SENP6: variants seen among roughly 807,000 people sequenced by gnomAD.
The protein encoded by SENP6 is sentrin-specific protease 6.
SENP6 carries 41 observed loss-of-function variants against 134.5 expected under a neutral mutation model. The ratio of observed to expected loss-of-function variants is 0.30; its 90% CI spans 0.24 to 0.40. The LOEUF is 0.40. Ranked by LOEUF, SENP6 falls within the 10% of genes least tolerant of loss-of-function variation. The pLI is 1.00. For missense variants in SENP6, 1,248 were observed against 1,312.5 expected (o/e 0.95, Z 0.76); for synonymous variants, 395 against 429.8 (o/e 0.92, Z 1.00).
chr6:75,610,771 G>C (rs1767381187), intron 1 of SENP6, among the ~76,000 whole-genome samples: 1 of 152,122 alleles, frequency 6.6e-6, no homozygotes, highest in Non-Finnish European at 1.5e-5. Context: ...GCTATGTTCT[G>C]ATCTTGCCTT....
rs1562040838 is a variant in SENP6 at position 75,678,670 on chromosome 6, A to G, written c.1936A>G (p.Ile646Val). The change falls in exon 15 of 24, where the codon ATC becomes GTC. Residue 646 changes from isoleucine to valine, a missense_variant. Coordinates refer to ENST00000447266, the MANE Select transcript of SENP6 (RefSeq NM_015571.4). The part of the protein sequence containing the change: ...EEEETGENHT[I>V]FIGPVEKLIV... ...AGAAGAAACTGGAGAAAACCACACC[A>G]TCTTCATTGGCCCAGTAGAAAAGTG... 1.9e-6 allele frequency: 3 copies of G among 1,595,830 alleles called. No homozygotes were observed. In the East Asian group the frequency reaches 6.7e-5, roughly 36 times the overall value.
intron 3 of SENP6, among the ~76,000 whole-genome samples, chr6:75,624,348 A>C (rs1291995169): frequency 2.6e-5 from 4 of 152,162 alleles, no homozygotes; most frequent in Non-Finnish European, 5.9e-5. Flanking sequence ...AGAGTTGTCA[A>C]CTTTTTAATT....
At chr6:75,683,665 G>C (rs574598839) in intron 16 of SENP6, among the ~76,000 whole-genome samples, 4 of 148,744 alleles carry the variant, frequency 2.7e-5, no homozygotes, top group Non-Finnish European at 6.0e-5. Context: ...TCCTTTCCCC[G>C]TTTCTTGTTT....
chr6:75,629,274 C>T (rs1290717610), intron 3 of SENP6, among the ~76,000 whole-genome samples: 1 of 151,992 alleles, frequency 6.6e-6, no homozygotes, highest in African/African-American at 2.4e-5. Flanking sequence ...TTTCTATATG[C>T]TTTTGCCAAT....
intron 3 of SENP6, 52 bp from the exon 4 acceptor site, chr6:75,633,528 AG>A (rs2149837728): frequency 6.2e-6 from 9 of 1,443,652 alleles, no homozygotes; most frequent in Admixed American, 2.2e-5. Flanking sequence ...AGTTGTTGAT[AG>A]ATTGTCACAT....
chr6:75,710,912 T>C (rs1169655824), intron 20 of SENP6, among the ~76,000 whole-genome samples: 1 of 152,208 alleles, frequency 6.6e-6, no homozygotes, highest in African/African-American at 2.4e-5. Flanking sequence ...ATATTTCTGA[T>C]GTGAAAACAT....
intron 1 of SENP6, among the ~76,000 whole-genome samples, chr6:75,619,190 C>G (rs2149826980): frequency 6.6e-6 from 1 of 152,108 alleles, no homozygotes; most frequent in East Asian, 1.9e-4. Flanking sequence ...TTTAAATCAT[C>G]ATAAACAAGA....
At chr6:75,675,277 C>A (rs1772999799) in intron 11 of SENP6, among the ~76,000 whole-genome samples, 158 bp from the exon 12 acceptor site, 2 of 151,918 alleles carry the variant, frequency 1.3e-5, no homozygotes, top group Non-Finnish European at 2.9e-5. Context: ...TTTAGATAAG[C>A]AATGTTTAGG....
At chr6:75,677,653 G>T in intron 14 of SENP6, 1 of 157,276 alleles carries the variant, frequency 6.4e-6, no homozygotes, top group Non-Finnish European at 1.4e-5. Flanking sequence ...TGTAATATAG[G>T]CATATATGGT....
chr6:75,671,723 A>G (rs963424858), intron 11 of SENP6, among the ~76,000 whole-genome samples: 1 of 152,248 alleles, frequency 6.6e-6, no homozygotes, highest in Admixed American at 6.5e-5. Flanking sequence ...CTCTGTCTCA[A>G]AAAACAGAAA....
chr6:75,656,434 C>T (rs538286599), intron 7 of SENP6, among the ~76,000 whole-genome samples: 8 of 152,224 alleles, frequency 5.3e-5, no homozygotes, highest in Non-Finnish European at 7.4e-5. Flanking sequence ...GCAAAAATCA[C>T]TTCTGTGATC....
At position 75,713,732 on chromosome 6, in the gene SENP6, T is replaced by C. The variant is rs778305093; in HGVS notation, c.3036T>C (p.Asp1012=). 4 of 1,613,352 alleles carry C rather than the reference T, an allele frequency of 2.5e-6. No individual in the cohort carries two copies. The East Asian group carries it at 8.9e-5, about 36-fold the overall frequency. Residue 1012 remains aspartate, a synonymous_variant, in exon 23 of 24, where the codon GAT becomes GAC. Transcript: ENST00000447266. ...KKGSKRSFSK[D]VMKGSNPKVP... is the part of the protein sequence containing the mutation. ...GAAGCAAAAGAAGTTTTTCCAAAGA[T>C]GTTATGAAGGGCTCTAATCCAAAAG...
chr6:75,625,642 G>A (rs555362866), intron 3 of SENP6, among the ~76,000 whole-genome samples: 58 of 152,324 alleles, frequency 3.8e-4, no homozygotes, highest in Admixed American at 1.4e-3. Context: ...GCCAAAGCAG[G>A]CAGATCACTT....
At chr6:75,702,539 A>G (rs1775107968) in intron 18 of SENP6, 106 bp from the exon 19 acceptor site, 1 of 1,112,898 alleles carries the variant, frequency 9.0e-7, no homozygotes, top group African/African-American at 1.6e-5. Flanking sequence ...TTTTTAATAA[A>G]TTAATTGGCA....
chr6:75,622,670 A>G (rs1768366441), intron 2 of SENP6: 1 of 637,456 alleles, frequency 1.6e-6, no homozygotes, highest in Admixed American at 2.6e-5. Context: ...ATATACACAC[A>G]AAGTTCTACC....
intron 5 of SENP6, among the ~76,000 whole-genome samples, chr6:75,638,612 ATATATATATATTTTTTT>A (rs1175964356): frequency 1.8e-4 from 7 of 38,588 alleles, no homozygotes; most frequent in South Asian, 1.2e-3. Flanking sequence ...ATATATATAT[ATATATATATATTTTTTT>A]TTTTTTTTTT....
intron 7 of SENP6, among the ~76,000 whole-genome samples, chr6:75,657,678 ATT>A (rs1173978672): frequency 3.9e-5 from 6 of 152,194 alleles, no homozygotes. Flanking sequence ...CTAAAACGTA[ATT>A]TCTGCTCTTC....
chr6:75,637,751 C>G (rs987257834), intron 5 of SENP6, among the ~76,000 whole-genome samples: 7 of 152,010 alleles, frequency 4.6e-5, no homozygotes, highest in African/African-American at 7.2e-5. Context: ...TCCCCCGCAA[C>G]TTAGGGGGAT....
chr6:75,654,278 A>G (rs1771145322), intron 7 of SENP6, among the ~76,000 whole-genome samples: 1 of 152,222 alleles, frequency 6.6e-6, no homozygotes, highest in African/African-American at 2.4e-5. Context: ...GTTTTGAATC[A>G]CTGGAATTTG....
Sources: allele counts gnomAD v4.1 joint callset (sites outside exome capture counted in the v4.1 genomes callset), GRCh38; gene constraint gnomAD v4.1.1; transcripts MANE v1.5; gene names NCBI Gene and HGNC (gene_info 2026-07-23, HGNC 2026-07-21).